ZC2HC1B: variants seen among roughly 807,000 people sequenced by gnomAD.
The protein encoded by ZC2HC1B is zinc finger C2HC-type containing 1B.
Under a neutral mutation model 31.0 loss-of-function variants are expected in ZC2HC1B, and 36 were observed. The ratio of observed to expected loss-of-function variants is 1.16; its 90% CI spans 0.89 to 1.54. The LOEUF (loss-of-function observed/expected upper bound fraction) is 1.54. ZC2HC1B is among the 40% of genes most tolerant of loss of function. ZC2HC1B has a pLI of 0.00. For missense variants in ZC2HC1B, 260 were observed against 268.6 expected, an observed-to-expected ratio of 0.97 and a Z score of 0.22; for synonymous variants, 73 against 88.0, an observed-to-expected ratio of 0.83 and a Z score of 0.95.
intron 6 of ZC2HC1B, among the ~76,000 whole-genome samples, chr6:143,930,389 T>C (rs925639489): frequency 2.7e-5 from 4 of 148,106 alleles, no homozygotes; most frequent in Non-Finnish European, 6.0e-5. Flanking sequence ...TTCTTTTTTT[T>C]TTTTTTTTTT....
chr6:143,910,356 C>T (rs1302790741), intron 6 of ZC2HC1B, among the ~76,000 whole-genome samples: 2 of 152,206 alleles, frequency 1.3e-5, no homozygotes, highest in East Asian at 3.9e-4. Flanking sequence ...AGCTCTTTTG[C>T]TTTTGTTGAG....
intron 1 of ZC2HC1B, among the ~76,000 whole-genome samples, chr6:143,877,343 C>A (rs1407148803): frequency 1.7e-5 from 2 of 119,374 alleles, no homozygotes; most frequent in Non-Finnish European, 3.2e-5. Context: ...AGTGCAATGG[C>A]GCCATCTCAG....
intron 6 of ZC2HC1B, among the ~76,000 whole-genome samples, chr6:143,926,983 A>G (rs1052086492): frequency 3.3e-5 from 4 of 119,954 alleles, no homozygotes; most frequent in African/African-American, 1.4e-4. Flanking sequence ...TATTTTTAGT[A>G]GAGACGGGGT....
At chr6:143,937,063 C>A (rs977587082) in intron 6 of ZC2HC1B, among the ~76,000 whole-genome samples, 1 of 152,036 alleles carries the variant, frequency 6.6e-6, no homozygotes, top group African/African-American at 2.4e-5. Context: ...AAAAAAAGAA[C>A]CTCTGAGAAT....
chr6:143,937,574 A>C, intron 6 of ZC2HC1B, 75 bp from the exon 7 acceptor site: 1 of 1,290,952 alleles, frequency 7.7e-7, no homozygotes, highest in Non-Finnish European at 1.0e-6. Flanking sequence ...CCATGTGGGG[A>C]TTTCACAATC....
chr6:143,932,695 G>A (rs752601833), intron 6 of ZC2HC1B, among the ~76,000 whole-genome samples: 48 of 152,152 alleles, frequency 3.2e-4, no homozygotes, highest in Non-Finnish European at 6.3e-4. Flanking sequence ...TCCATTGCTG[G>A]GGAGCTGGTG....
Position 143,870,699 on chromosome 6 carries a change from A to C in ZC2HC1B, c.28+6132A>C, listed in dbSNP as rs1777326340. ...AGTAACAGGCCAAGAGCTGTCTCTC[A>C]AAAGAAGAGTAATTATCTGTAGAAG... On this transcript the variant is annotated intron_variant, in intron 1 of 7. Transcript: ENST00000237275. This position sits in a 1 kb window ranked among gnomAD's most constrained non-coding sequence, Gnocchi z 4.7. Among the ~76,000 whole-genome samples, 1 of 152,190 alleles carries C rather than the reference A, an allele frequency of 6.6e-6. No individual in the cohort carries two copies. Among genetic ancestry groups the C allele is most frequent in the Non-Finnish European group, 1.5e-5 (1 of 68,026 alleles).
rs1410707374 is a variant in ZC2HC1B, at chr6:143,923,538, TGA to T, written c.599-14107_599-14106del. 6.6e-6 allele frequency among the ~76,000 whole-genome samples: 1 copy of T among 152,108 alleles called. No homozygotes were observed. Among genetic ancestry groups the T allele is most frequent in the Non-Finnish European group, 1.5e-5 (1 of 67,946 alleles). On this transcript the variant is annotated intron_variant, in intron 6 of 7. Transcript: ENST00000237275. This position sits in a 1 kb window ranked among gnomAD's most constrained non-coding sequence, Gnocchi z 4.8. The stretch of plus-strand genomic sequence containing the variant: ...CAAATTTTTTGCCTAGACCAATGTC[TGA>T]GAGCATTTTCCCTATTTTCTTCTAG...
Position 143,883,421 on chromosome 6 carries a change from A to G in ZC2HC1B, c.29-883A>G, listed in dbSNP as rs1450320587. Among the ~76,000 whole-genome samples the G allele has an allele frequency of 2.0e-5, 3 of 152,108 alleles. No homozygotes were observed. Among genetic ancestry groups the G allele is most frequent in the Admixed American group, 6.5e-5 (1 of 15,274 alleles). On this transcript the variant is annotated intron_variant, in intron 1 of 7. Transcript: ENST00000237275. This position sits in a 1 kb window ranked among gnomAD's most constrained non-coding sequence, Gnocchi z 4.1. ...GCCCCTTCTTGCCTTTCTCACATCT[A>G]TCTTCCACAGCTCTGTTTAATTCTT...
rs1258170474 is a variant in ZC2HC1B, at chr6:143,871,334, C to T, written c.28+6767C>T. 6.6e-6 allele frequency among the ~76,000 whole-genome samples: 1 copy of T among 152,140 alleles called. No homozygotes were observed. The highest frequency in any genetic ancestry group is 2.4e-5 in the African/African-American group (1 of 41,426). On this transcript the variant is annotated intron_variant, in intron 1 of 7. Transcript: ENST00000237275. This position sits in a 1 kb window ranked among gnomAD's most constrained non-coding sequence, Gnocchi z 4.1. ...CTCTGAATAAGATTATGACACAAAGCCAAACAGTTAATATACCTCTGAGGT... is the reference window on the plus strand; with the variant it reads ...CTCTGAATAAGATTATGACACAAAGTCAAACAGTTAATATACCTCTGAGGT...
intron 1 of ZC2HC1B, among the ~76,000 whole-genome samples, chr6:143,875,411 G>A (rs1379077625): frequency 2.2e-5 from 3 of 138,298 alleles, no homozygotes; most frequent in Non-Finnish European, 3.2e-5. Context: ...CTTGCTCCCA[G>A]TGGGCCATCT....
At chr6:143,929,923 T>C (rs1778098333) in intron 6 of ZC2HC1B, among the ~76,000 whole-genome samples, 1 of 152,176 alleles carries the variant, frequency 6.6e-6, no homozygotes, top group Non-Finnish European at 1.5e-5. Flanking sequence ...ATTTCTGTAG[T>C]ATCAGTTGTA....
At chr6:143,893,742 A>G (rs1562340892) in intron 4 of ZC2HC1B, among the ~76,000 whole-genome samples, 2 of 151,890 alleles carry the variant, frequency 1.3e-5, no homozygotes, top group South Asian at 2.1e-4. Flanking sequence ...GCTGGAGTGC[A>G]GTGGCACCAT....
At chr6:143,932,276 C>T (rs778696180) in intron 6 of ZC2HC1B, among the ~76,000 whole-genome samples, 21 of 152,304 alleles carry the variant, frequency 1.4e-4, no homozygotes, top group Admixed American at 4.6e-4. Flanking sequence ...TTCTCTTCTT[C>T]GCCAGGAACA....
In ZC2HC1B at chr6:143,908,053, G is replaced by A. The variant is rs1368945605; in HGVS notation, c.598+4901G>A. On this transcript the variant is annotated intron_variant, in intron 6 of 7. Coordinates refer to ENST00000237275, the MANE Select transcript of ZC2HC1B (RefSeq NM_001013623.3). The surrounding 1 kb of genome is among the most constrained non-coding windows in gnomAD (Gnocchi z 4.4). ...ATAAAGAATTCTTTCCCCATTGCTT[G>A]TTTTTGTCAGGTTTGTTGAAGATCA... Among the ~76,000 whole-genome samples the A allele has an allele frequency of 6.6e-6, 1 of 152,144 alleles. No homozygotes were observed.
At chr6:143,874,774 C>T (rs967005977) in intron 1 of ZC2HC1B, among the ~76,000 whole-genome samples, 16 of 152,164 alleles carry the variant, frequency 1.1e-4, no homozygotes, top group Non-Finnish European at 1.8e-4. Context: ...AGATACAATT[C>T]AAGTTGAGAG....
intron 5 of ZC2HC1B, among the ~76,000 whole-genome samples, chr6:143,902,422 T>C (rs1328004125): frequency 6.6e-6 from 1 of 152,238 alleles, no homozygotes; most frequent in East Asian, 1.9e-4. Flanking sequence ...TCAGCCATTC[T>C]TGCCCAAGTG....
chr6:143,872,798 G>A lies in ZC2HC1B; in HGVS notation c.28+8231G>A, dbSNP rs1253291069. On this transcript the variant is annotated intron_variant, in intron 1 of 7. Coordinates refer to ENST00000237275, the MANE Select transcript of ZC2HC1B (RefSeq NM_001013623.3). This position sits in a 1 kb window ranked among gnomAD's most constrained non-coding sequence, Gnocchi z 5.5. ...TCATAAGAATAGCATGGGAAAGACC[G>A]GCCCCCATTTAGTTATCTTCCTCTG... Among the ~76,000 whole-genome samples the A allele has an allele frequency of 2.0e-5, 3 of 152,018 alleles. No homozygotes were observed. Among genetic ancestry groups the A allele is most frequent in the Non-Finnish European group, 2.9e-5 (2 of 68,008 alleles).
chr6:143,890,911 C>T (rs948006207), intron 4 of ZC2HC1B, among the ~76,000 whole-genome samples: 25 of 151,692 alleles, frequency 1.6e-4, no homozygotes, highest in African/African-American at 5.8e-4. Flanking sequence ...AGGTGGATCA[C>T]GAGGTCAGGT....
Sources: gnomAD v4.1 joint callset for allele counts (sites outside exome capture counted in the v4.1 genomes callset) on GRCh38, gnomAD v4.1.1 for gene constraint, Gnocchi (gnomAD v3.1) non-coding constraint, MANE v1.5 for transcripts, NCBI Gene and HGNC (gene_info 2026-07-23, HGNC 2026-07-21) for gene names.